Variants in PRICKLE1 observed in about 807,000 individuals in gnomAD.
PRICKLE1 encodes prickle planar cell polarity protein 1.
Under a neutral mutation model 70.2 loss-of-function variants are expected in PRICKLE1, and 14 were observed. The ratio of observed to expected loss-of-function variants is 0.20; its 90% CI spans 0.13 to 0.31. The LOEUF (loss-of-function observed/expected upper bound fraction) is 0.31, where lower values mean the gene tolerates loss of function less well. Ranked by LOEUF, PRICKLE1 falls within the 10% of genes least tolerant of loss-of-function variation. PRICKLE1 has a pLI of 1.00. For missense variants in PRICKLE1, 821 were observed against 1,026.2 expected, an observed-to-expected ratio of 0.80 and a Z score of 2.73; for synonymous variants, 357 against 379.9, an observed-to-expected ratio of 0.94 and a Z score of 0.70.
intron 1 of PRICKLE1, among the ~76,000 whole-genome samples, chr12:42,578,881 C>T: frequency 6.6e-6 from 1 of 152,022 alleles, no homozygotes; most frequent in East Asian, 1.9e-4. Context: ...CCTGCCTCAG[C>T]CTTGCGAGTA....
intron 1 of PRICKLE1, among the ~76,000 whole-genome samples, chr12:42,477,390 A>AATATATATATATACACATATTAT (rs2140139671): frequency 6.9e-6 from 1 of 145,270 alleles, no homozygotes; most frequent in Admixed American, 6.9e-5. Flanking sequence ...AACAAAACAA[A>AATATATATATATACACATATTAT]ATATATATAT....
intron 1 of PRICKLE1, among the ~76,000 whole-genome samples, chr12:42,488,134 A>C (rs1593133280): frequency 6.6e-6 from 1 of 151,792 alleles, no homozygotes; most frequent in Admixed American, 6.6e-5. Context: ...TCCTCCTGAC[A>C]CTCTCCCACA....
chr12:42,520,122 C>T (rs1369892629), intron 1 of PRICKLE1, among the ~76,000 whole-genome samples: 1 of 152,172 alleles, frequency 6.6e-6, no homozygotes, highest in East Asian at 1.9e-4. Flanking sequence ...GTTTGTGCCT[C>T]TTTTTCTGGT....
intron 5 of PRICKLE1, 54 bp downstream of exon 5, chr12:42,468,572 T>C (rs1209684378): frequency 4.6e-6 from 7 of 1,520,998 alleles, no homozygotes; most frequent in African/African-American, 2.7e-5. Context: ...CAGTGGAATA[T>C]TGGCTTAATC....
chr12:42,487,294 T>G (rs1053299764), intron 1 of PRICKLE1, among the ~76,000 whole-genome samples: 2 of 152,218 alleles, frequency 1.3e-5, no homozygotes, highest in Non-Finnish European at 2.9e-5. Flanking sequence ...CCTGGGTCTG[T>G]GGCATCCCCA....
rs116966594 is a variant in PRICKLE1, at chr12:42,502,713, G to A, written c.-48-30149C>T. Reference sequence around the variant, plus strand: ...GAATGTATTTTCAGAGCAGACGCGGGAAAGGGCCGAGTCTTAGATGTCTTT... The same window carrying A: ...GAATGTATTTTCAGAGCAGACGCGGAAAAGGGCCGAGTCTTAGATGTCTTT... On this transcript the variant is annotated intron_variant, in intron 1 of 7. Coordinates refer to ENST00000345127, the MANE Select transcript of PRICKLE1 (RefSeq NM_153026.3). Among the ~76,000 whole-genome samples the A allele has an allele frequency of 2.0e-5, 3 of 152,280 alleles. No individual in the cohort carries two copies. In the East Asian group the frequency reaches 5.8e-4, roughly 29 times the overall value.
At chr12:42,531,251 T>C (rs1939913000) in intron 1 of PRICKLE1, among the ~76,000 whole-genome samples, 1 of 150,988 alleles carries the variant, frequency 6.6e-6, no homozygotes, top group East Asian at 2.0e-4. Context: ...TTTCACCGTG[T>C]TAGCCAGGAT....
chr12:42,460,674 G>C lies in PRICKLE1; in HGVS notation c.1640-9C>G, dbSNP rs1169151412. 3 of 1,606,232 alleles carry C rather than the reference G, an allele frequency of 1.9e-6. No homozygotes were observed. The highest frequency in any genetic ancestry group is 2.5e-6 in the Non-Finnish European group (3 of 1,179,960). The stretch of plus-strand genomic sequence containing the variant: ...TCCATCCACCGAAGCCCCTAGAAGA[G>C]AGGCCAAAACAAGATGTGCTTCTCA... On this transcript the variant is annotated splice_polypyrimidine_tract_variant and intron_variant, in intron 7 of 7. Transcript: ENST00000345127.
At chr12:42,504,163 G>A (rs1201889015) in intron 1 of PRICKLE1, among the ~76,000 whole-genome samples, 5 of 152,198 alleles carry the variant, frequency 3.3e-5, no homozygotes, top group East Asian at 1.9e-4. Context: ...GTGAGGACCC[G>A]TAACAAGCAG....
intron 7 of PRICKLE1, among the ~76,000 whole-genome samples, chr12:42,461,166 C>T (rs1380457162): frequency 2.0e-5 from 3 of 152,334 alleles, no homozygotes; most frequent in Admixed American, 1.3e-4. Flanking sequence ...CAGGTATGAG[C>T]CACTGCACCT....
At chr12:42,508,157 GAGA>G (rs1257175393) in intron 1 of PRICKLE1, among the ~76,000 whole-genome samples, 1 of 151,982 alleles carries the variant, frequency 6.6e-6, no homozygotes, top group Non-Finnish European at 1.5e-5. Context: ...ATGTGGCTTT[GAGA>G]AGGAGGGGGG....
chr12:42,560,752 T>C (rs1592029613), intron 1 of PRICKLE1, among the ~76,000 whole-genome samples: 1 of 147,016 alleles, frequency 6.8e-6, no homozygotes, highest in African/African-American at 2.5e-5. Context: ...GCTTGGCAGG[T>C]CAAAAGCCCA....
At chr12:42,516,673 T>C (rs1939617240) in intron 1 of PRICKLE1, among the ~76,000 whole-genome samples, 1 of 152,014 alleles carries the variant, frequency 6.6e-6, no homozygotes, top group Non-Finnish European at 1.5e-5. Flanking sequence ...CTGGAAGCCA[T>C]CTGTCTGTGT....
intron 5 of PRICKLE1, 103 bp from the exon 6 acceptor site, chr12:42,466,483 T>A (rs1164775032): frequency 1.0e-6 from 1 of 999,280 alleles, no homozygotes; most frequent in Non-Finnish European, 1.5e-6. Flanking sequence ...AGACACTGGC[T>A]CTTAAAAAAA....
rs563906186 is a variant in PRICKLE1, at chr12:42,529,042, A to C, written c.-48-56478T>G. ...TACTGTTTTTATTTTTTATTTTTTT[A>C]TGAATGGATGTATCAGACTTAGACT... On this transcript the variant is annotated intron_variant, in intron 1 of 7. Coordinates refer to ENST00000345127, the MANE Select transcript of PRICKLE1 (RefSeq NM_153026.3). 7.9e-5 allele frequency among the ~76,000 whole-genome samples: 12 copies of C among 152,272 alleles called. No individual in the cohort carries two copies. The South Asian group carries it at 1.9e-3, about 24-fold the overall frequency.
chr12:42,480,548 G>T (rs1053603980), intron 1 of PRICKLE1, among the ~76,000 whole-genome samples: 43 of 152,170 alleles, frequency 2.8e-4, no homozygotes, highest in South Asian at 2.1e-4. Context: ...TAAAGAGAAG[G>T]TTTATTATTT....
chr12:42,587,845 T>G (rs1941007948), intron 1 of PRICKLE1, among the ~76,000 whole-genome samples: 1 of 152,246 alleles, frequency 6.6e-6, no homozygotes, highest in Non-Finnish European at 1.5e-5. Flanking sequence ...TGACAAATAC[T>G]GCGTCATCCT....
At chr12:42,482,642 A>G (rs545229713) in intron 1 of PRICKLE1, 11 of 152,378 alleles carry the variant, frequency 7.2e-5, no homozygotes, top group Non-Finnish European at 1.2e-4. Context: ...ACACTTCAAG[A>G]AAGTGTTTGA....
chr12:42,495,087 G>A (rs1939171416), intron 1 of PRICKLE1, among the ~76,000 whole-genome samples: 1 of 151,408 alleles, frequency 6.6e-6, no homozygotes. Context: ...AAGAGATGGG[G>A]CCTTGGCGTG....
Sources: gnomAD v4.1 joint callset for allele counts (sites outside exome capture counted in the v4.1 genomes callset) on GRCh38, gnomAD v4.1.1 for gene constraint, MANE v1.5 for transcripts, NCBI Gene and HGNC (gene_info 2026-07-23, HGNC 2026-07-21) for gene names.